The following PHF20 variants were observed in gnomAD, a reference collection of about 807,000 sequenced individuals.
PHF20 encodes the protein glioma-expressed antigen 2.
In PHF20, 23 loss-of-function variants were observed where a neutral mutation model predicts 113.5. The observed-to-expected ratio is 0.20, with a 90% CI of 0.15 to 0.29. The LOEUF is 0.29. Ranked by LOEUF, PHF20 falls within the 10% of genes least tolerant of loss-of-function variation. PHF20 has a pLI of 1.00. For missense variants in PHF20, 943 were observed against 1,219.6 expected (o/e 0.77, Z 3.38); for synonymous variants, 434 against 457.3 (o/e 0.95, Z 0.65).
intron 1 of PHF20, among the ~76,000 whole-genome samples, chr20:35,785,912 A>G (rs2146837259): frequency 6.6e-6 from 1 of 151,668 alleles, no homozygotes; most frequent in Middle Eastern, 3.4e-3. Context: ...GGTGCCTGTC[A>G]TCTCAGCTAC....
intron 1 of PHF20, among the ~76,000 whole-genome samples, chr20:35,772,403 CG>C (rs2041078427): frequency 6.6e-6 from 1 of 152,074 alleles, no homozygotes; most frequent in East Asian, 1.9e-4. Flanking sequence ...GTTGGGGGTG[CG>C]GGTAAGCCCT....
At chr20:35,807,142 GAA>G (rs1481136705) in intron 2 of PHF20, among the ~76,000 whole-genome samples, 1 of 152,032 alleles carries the variant, frequency 6.6e-6, no homozygotes, top group Non-Finnish European at 1.5e-5. Context: ...TGAGTGTCTT[GAA>G]AAGTGTTTTT....
At chr20:35,835,051 C>A (rs990733831) in intron 2 of PHF20, among the ~76,000 whole-genome samples, 1 of 151,760 alleles carries the variant, frequency 6.6e-6, no homozygotes, top group African/African-American at 2.4e-5. Flanking sequence ...CTGAGGCGGG[C>A]GGATCACGAG....
chr20:35,847,636 T>C (rs1568646550), intron 4 of PHF20, among the ~76,000 whole-genome samples: 1 of 152,204 alleles, frequency 6.6e-6, no homozygotes, highest in African/African-American at 2.4e-5. Context: ...GTTTGACTTT[T>C]TACCCCCTGA....
intron 5 of PHF20, among the ~76,000 whole-genome samples, chr20:35,862,540 C>A (rs2054235789): frequency 6.6e-6 from 1 of 152,102 alleles, no homozygotes; most frequent in African/African-American, 2.4e-5. Context: ...CCAGCCTGGG[C>A]AACATAGGGA....
rs562663879 is a variant in PHF20 at position 35,805,492 on chromosome 20, C to T, written c.83+3887C>T. ...CCGCCTCCCGGGTTCACGCCATTCT[C>T]CTGCCTTAGCTTCCCGGCTAATTTT... On this transcript the variant is annotated intron_variant, in intron 2 of 17. Coordinates refer to ENST00000374012, the MANE Select transcript of PHF20 (RefSeq NM_016436.5). 4.6e-5 allele frequency among the ~76,000 whole-genome samples: 7 copies of T among 151,526 alleles called. No individual in the cohort carries two copies. The South Asian group carries it at 8.3e-4, about 18-fold the overall frequency.
In PHF20 at chr20:35,947,679, G is replaced by T; in HGVS notation, c.*52G>T. On this transcript the variant is annotated 3_prime_UTR_variant, in exon 18 of 18. Transcript: ENST00000374012. ...CACAATCCTGGGGCACCTGCAGGAG[G>T]AGCTTCGCATATTTAAATAAATAAA... 9 of 1,570,448 alleles carry T rather than the reference G, an allele frequency of 5.7e-6. No homozygotes were observed. The highest frequency in any genetic ancestry group is 7.8e-6 in the Non-Finnish European group (9 of 1,146,568).
chr20:35,842,787 C>A (rs1222601056), intron 3 of PHF20, 43 bp downstream of exon 3: 13 of 1,549,102 alleles, frequency 8.4e-6, no homozygotes, highest in Non-Finnish European at 8.8e-6. Context: ...GCAAGGTCAG[C>A]CATTGGGCTG....
chr20:35,797,235 G>T (rs984858312), intron 1 of PHF20, among the ~76,000 whole-genome samples: 1 of 151,772 alleles, frequency 6.6e-6, no homozygotes, highest in Admixed American at 6.6e-5. Flanking sequence ...AAAATGGGCC[G>T]GGCGTGGTGG....
At chr20:35,829,224 A>G (rs1006241592) in intron 2 of PHF20, among the ~76,000 whole-genome samples, 1 of 152,202 alleles carries the variant, frequency 6.6e-6, no homozygotes, top group African/African-American at 2.4e-5. Context: ...CTTGTGGTAA[A>G]ATACATACAA....
chr20:35,856,342 A>T (rs1034012442), intron 4 of PHF20: 2 of 152,170 alleles, frequency 1.3e-5, no homozygotes, highest in Admixed American at 6.5e-5. Context: ...TGGTTCTTGG[A>T]CTTTGGTGTA....
At chr20:35,881,465 C>T (rs2054632237) in intron 9 of PHF20, among the ~76,000 whole-genome samples, 1 of 150,444 alleles carries the variant, frequency 6.6e-6, no homozygotes, top group South Asian at 2.1e-4. Context: ...TGCTTGAACC[C>T]AGGAGGTGGA....
chr20:35,814,287 G>A (rs1244885197), intron 2 of PHF20, among the ~76,000 whole-genome samples: 2 of 151,254 alleles, frequency 1.3e-5, no homozygotes, highest in Non-Finnish European at 2.9e-5. Flanking sequence ...GTACGATCTC[G>A]GCTCACTGCA....
chr20:35,847,292 T>C, intron 3 of PHF20, 58 bp from the exon 4 acceptor site: 2 of 1,160,366 alleles, frequency 1.7e-6, no homozygotes, highest in Non-Finnish European at 2.5e-6. Flanking sequence ...GTATGTCCTG[T>C]ATGTCCTGTG....
chr20:35,912,959 C>T (rs1030181718), intron 10 of PHF20, among the ~76,000 whole-genome samples: 1 of 152,228 alleles, frequency 6.6e-6, no homozygotes, highest in African/African-American at 2.4e-5. Context: ...GTTGAAAGGT[C>T]TCTGTCCTCA....
At chr20:35,941,959 G>C (rs2055988191) in intron 17 of PHF20, among the ~76,000 whole-genome samples, 1 of 152,120 alleles carries the variant, frequency 6.6e-6, no homozygotes, top group South Asian at 2.1e-4. Context: ...TGGATGATCT[G>C]GCTAGACTGG....
chr20:35,891,899 G>T (rs879321064), intron 9 of PHF20, among the ~76,000 whole-genome samples: 1 of 151,712 alleles, frequency 6.6e-6, no homozygotes, highest in Admixed American at 6.6e-5. Flanking sequence ...GACAGAGTTT[G>T]TCACTGTGTT....
chr20:35,880,572 ATGT>A (rs992547703), intron 9 of PHF20, among the ~76,000 whole-genome samples: 3 of 151,464 alleles, frequency 2.0e-5, no homozygotes, highest in African/African-American at 7.3e-5. Context: ...GTTATTAAAA[ATGT>A]TGTTAAAAAA....
In PHF20 at chr20:35,842,739, T is replaced by G. The variant is rs370096927; in HGVS notation, c.250T>G (p.Ser84Ala). ...AGAGGGCTTGCATGAAGAGGATGGA[T>G]CTTCTGTGAGTAACAAATCTGGGAA... is the stretch of plus-strand genomic sequence containing the variant. ...RKEGLHEEDG[S>A]SEFQINEQVL... Residue 84 changes from serine (S) to alanine (A), a missense_variant, in exon 3 of 18, where the codon TCT becomes GCT. Physicochemically the swap from Ser to Ala is moderately conservative, Grantham distance 99. Around this residue, in one of 3 missense-constraint regions of PHF20, gnomAD observed 592 missense variants for 787.2 expected, o/e 0.75. Transcript: ENST00000374012. 1 of 1,613,142 alleles carries G rather than the reference T, an allele frequency of 6.2e-7. No individual in the cohort carries two copies. Among genetic ancestry groups the G allele is most frequent in the Non-Finnish European group, 8.5e-7 (1 of 1,179,732 alleles).
Sources: gnomAD v4.1 joint callset for allele counts (sites outside exome capture counted in the v4.1 genomes callset) on GRCh38, gnomAD v4.1.1 for gene constraint, gnomAD v4.1.1 regional missense constraint, MANE v1.5 for transcripts, NCBI Gene and HGNC (gene_info 2026-07-23, HGNC 2026-07-21) for gene names.